The following THSD7B variants were observed in gnomAD, a reference collection of about 807,000 sequenced individuals.
THSD7B encodes the protein thrombospondin type 1 domain containing 7B, also known as thrombospondin type-1 domain-containing protein 7B.
THSD7B carries 138 observed loss-of-function variants against 213.6 expected under a neutral mutation model. The observed-to-expected ratio is 0.65, with a 90% confidence interval of 0.56 to 0.74. THSD7B has a LOEUF of 0.74. Among genes scored for constraint, THSD7B ranks in the 30% least tolerant of loss-of-function variants. THSD7B has a pLI of 0.00. For synonymous variants in THSD7B, 742 were observed against 687.0 expected (o/e 1.08, Z -1.25); for missense variants, 1,931 against 1,991.5 (o/e 0.97, Z 0.58).
At chr2:137,451,140 C>T in intron 15 of THSD7B, 117 bp downstream of exon 15, 6 of 1,126,590 alleles carry the variant, frequency 5.3e-6, no homozygotes, top group Non-Finnish European at 7.1e-6. Context: ...ATCACAATGT[C>T]AGAAGAAGGA....
intron 6 of THSD7B, 21 bp downstream of exon 6, chr2:137,160,389 C>A (rs778051296): frequency 1.9e-6 from 3 of 1,609,006 alleles, no homozygotes; most frequent in Non-Finnish European, 2.5e-6. Context: ...TGTTTGCATG[C>A]GCTTCATTTG....
At position 137,332,289 on chromosome 2, in the gene THSD7B, T is replaced by C. The variant is rs541014143; in HGVS notation, c.2500+56263T>C. On this transcript the variant is annotated intron_variant, in intron 12 of 27. Coordinates refer to ENST00000409968, the MANE Select transcript of THSD7B (RefSeq NM_001316349.2). ...ATGTGAGACATGGAGTCAAAGGAGATTATTTTGGAACTTTAAGATTTAATG... is the reference window on the plus strand; with the variant it reads ...ATGTGAGACATGGAGTCAAAGGAGACTATTTTGGAACTTTAAGATTTAATG... 5.5e-4 allele frequency among the ~76,000 whole-genome samples: 83 copies of C among 152,218 alleles called. No homozygotes were observed. The Middle Eastern group carries it at 0.024, about 44-fold the overall frequency.
chr2:136,900,285 G>C (rs485270), intron 2 of THSD7B, among the ~76,000 whole-genome samples: 145,777 of 152,294 alleles, frequency 0.96, 69,860 homozygotes, highest in Admixed American at 0.98. Context: ...TACATGTGTG[G>C]ATGTGTGTTT....
intron 17 of THSD7B, among the ~76,000 whole-genome samples, chr2:137,578,852 G>A (rs1681517484): frequency 6.6e-6 from 1 of 151,954 alleles, no homozygotes. Flanking sequence ...TGAAAACATA[G>A]TTACTAAGCA....
intron 5 of THSD7B, among the ~76,000 whole-genome samples, chr2:137,149,528 A>C (rs925628754): frequency 6.6e-6 from 1 of 152,312 alleles, no homozygotes; most frequent in Middle Eastern, 3.4e-3. Context: ...CAGACACTCA[A>C]TGCCACACTG....
intron 1 of THSD7B, among the ~76,000 whole-genome samples, chr2:136,769,053 G>T (rs1681459258): frequency 6.6e-6 from 1 of 152,162 alleles, no homozygotes; most frequent in Non-Finnish European, 1.5e-5. Flanking sequence ...GCTCCAAGAT[G>T]ATAAGCATTC....
intron 1 of THSD7B, among the ~76,000 whole-genome samples, chr2:136,791,797 A>G (rs532160068): frequency 6.6e-6 from 1 of 152,036 alleles, no homozygotes; most frequent in Admixed American, 6.6e-5. Context: ...GTTGGTGAAC[A>G]TTTATATGTT....
intron 15 of THSD7B, among the ~76,000 whole-genome samples, chr2:137,555,438 G>A (rs942263030): frequency 5.3e-5 from 8 of 152,202 alleles, no homozygotes; most frequent in African/African-American, 1.9e-4. Context: ...AACAGGGCCT[G>A]GAGTGGACCT....
chr2:137,642,698 A>G, intron 21 of THSD7B, 65 bp downstream of exon 21: 1 of 1,546,330 alleles, frequency 6.5e-7, no homozygotes. Context: ...GTCTGGTCAA[A>G]CCTATGCGCT....
chr2:137,535,636 A>T (rs1213366503), intron 15 of THSD7B, among the ~76,000 whole-genome samples: 1 of 151,764 alleles, frequency 6.6e-6, no homozygotes, highest in Non-Finnish European at 1.5e-5. Flanking sequence ...ACTTGCTAGG[A>T]TACACCTAGG....
At chr2:137,667,749 C>T in intron 26 of THSD7B, 25 bp from the exon 27 acceptor site, 1 of 1,575,260 alleles carries the variant, frequency 6.3e-7, no homozygotes, top group Non-Finnish European at 8.6e-7. Context: ...TGCTAAGCTT[C>T]TTATGTTATC....
At chr2:136,854,314 T>G (rs1436432218) in intron 1 of THSD7B, among the ~76,000 whole-genome samples, 1 of 152,196 alleles carries the variant, frequency 6.6e-6, no homozygotes, top group Non-Finnish European at 1.5e-5. Flanking sequence ...TGTTCTCAAC[T>G]CCAGTTGAAA....
rs974065381 is a variant in THSD7B, at chr2:137,273,962, A to C, written c.2396+1300A>C. On this transcript the variant is annotated intron_variant, in intron 11 of 27. Coordinates refer to ENST00000409968, the MANE Select transcript of THSD7B (RefSeq NM_001316349.2). Reference sequence around the variant, plus strand: ...AGGGTTGTTATAATCAGATAAAATCAAAAAACTATTAGTGGGATCTTCCAT... The same window carrying C: ...AGGGTTGTTATAATCAGATAAAATCCAAAAACTATTAGTGGGATCTTCCAT... Among the ~76,000 whole-genome samples the C allele has an allele frequency of 3.1e-4, 47 of 152,142 alleles. 1 individual carries two copies. Among genetic ancestry groups the C allele is most frequent in the Non-Finnish European group, 4.0e-4 (27 of 68,018 alleles).
chr2:136,826,604 C>A (rs927794123), intron 1 of THSD7B, among the ~76,000 whole-genome samples: 1 of 152,158 alleles, frequency 6.6e-6, no homozygotes, highest in Non-Finnish European at 1.5e-5. Context: ...GCATGGGGAG[C>A]CTTTTGTCCT....
chr2:137,298,288 G>A (rs1222810144), intron 12 of THSD7B, among the ~76,000 whole-genome samples: 1 of 152,074 alleles, frequency 6.6e-6, no homozygotes, highest in Non-Finnish European at 1.5e-5. Flanking sequence ...GGTGATTTAG[G>A]GTACCTGGTG....
intron 1 of THSD7B, among the ~76,000 whole-genome samples, chr2:136,775,747 G>T (rs901120697): frequency 6.6e-6 from 1 of 152,064 alleles, no homozygotes; most frequent in African/African-American, 2.4e-5. Flanking sequence ...AATTAGAAAT[G>T]CTATATAAGC....
At chr2:137,657,480 T>G (rs1683259317) in intron 24 of THSD7B, among the ~76,000 whole-genome samples, 2 of 152,122 alleles carry the variant, frequency 1.3e-5, no homozygotes, top group African/African-American at 2.4e-5. Context: ...ATAAAACGTT[T>G]CAAAGGACAT....
At chr2:137,664,821 C>T (rs183282431) in intron 26 of THSD7B, among the ~76,000 whole-genome samples, 23 of 152,214 alleles carry the variant, frequency 1.5e-4, no homozygotes, top group Admixed American at 5.9e-4. Context: ...ATACTTCTTT[C>T]GGAAACAAAA....
At chr2:136,939,681 A>G (rs1684788580) in intron 2 of THSD7B, among the ~76,000 whole-genome samples, 1 of 152,106 alleles carries the variant, frequency 6.6e-6, no homozygotes. Context: ...TGGTGTGCAC[A>G]TCTTTATTAT....
Sources: gnomAD v4.1 joint callset for allele counts (sites outside exome capture counted in the v4.1 genomes callset) on GRCh38, gnomAD v4.1.1 for gene constraint, MANE v1.5 for transcripts, NCBI Gene and HGNC (gene_info 2026-07-23, HGNC 2026-07-21) for gene names.